The following FBRSL1 variants were observed in gnomAD, a reference collection of about 807,000 sequenced individuals.
FBRSL1 encodes the protein fibrosin like 1.
In FBRSL1, 51 loss-of-function variants were observed where a neutral mutation model predicts 89.6. That is an observed-to-expected ratio of 0.57 (90% confidence interval 0.45 to 0.72). The LOEUF is 0.72. Ranked by LOEUF, FBRSL1 falls within the 30% of genes least tolerant of loss-of-function variation. The pLI is 0.00. For missense variants in FBRSL1, 1,618 were observed against 1,451.8 expected (o/e 1.11, Z -1.86); for synonymous variants, 779 against 681.1 (o/e 1.14, Z -2.24).
chr12:132,509,390 C>T lies in FBRSL1; in HGVS notation c.489+1040C>T, dbSNP rs532702699. 56 of 1,242,144 alleles carry T rather than the reference C, an allele frequency of 4.5e-5. 1 individual carries two copies. The African/African-American group carries it at 8.2e-4, about 18-fold the overall frequency. 76.9% of individuals were successfully genotyped at this position (1,242,144 alleles called of 1,614,324 possible). On this transcript the variant is annotated intron_variant, in intron 2 of 18. Coordinates refer to ENST00000680143, the MANE Select transcript of FBRSL1 (RefSeq NM_001367871.1). ...GGTCACTTCTGGGCCTGAAACAGCC[C>T]TGCCAGCCCCGGCGGTCACTTCTGG...
chr12:132,513,576 CTTGTTG>C (rs967170910), intron 2 of FBRSL1, among the ~76,000 whole-genome samples: 8 of 152,296 alleles, frequency 5.3e-5, no homozygotes, highest in Admixed American at 3.9e-4. Flanking sequence ...CTCTGCCCAC[CTTGTTG>C]TTGTTGGCAC....
At chr12:132,493,768 C>T (rs1004775620) in intron 1 of FBRSL1, among the ~76,000 whole-genome samples, 1 of 152,338 alleles carries the variant, frequency 6.6e-6, no homozygotes, top group Non-Finnish European at 1.5e-5. Context: ...AGGCCCCCAG[C>T]ATCTGCACAT....
At chr12:132,524,420 C>T (rs114177179) in intron 2 of FBRSL1, among the ~76,000 whole-genome samples, 2,015 of 152,324 alleles carry the variant, frequency 0.013, 45 homozygotes, top group African/African-American at 0.045. Flanking sequence ...GCACTGGCAC[C>T]GTCTGCCTTG....
intron 14 of FBRSL1, among the ~76,000 whole-genome samples, chr12:132,575,206 G>A (rs2040303682): frequency 1.3e-5 from 2 of 152,194 alleles, no homozygotes; most frequent in South Asian, 2.1e-4. Context: ...CCTTTGGGAC[G>A]GGACTCAGAG....
intron 18 of FBRSL1, among the ~76,000 whole-genome samples, 176 bp downstream of exon 18, chr12:132,582,442 C>T (rs1443539155): frequency 6.6e-6 from 1 of 151,084 alleles, no homozygotes. Flanking sequence ...CCCTCTCACC[C>T]TCCTCGCCCC....
At chr12:132,549,377 C>T (rs551996674) in intron 5 of FBRSL1, among the ~76,000 whole-genome samples, 111 of 152,312 alleles carry the variant, frequency 7.3e-4, no homozygotes, top group Non-Finnish European at 9.9e-4. Context: ...CGCGTGGCTC[C>T]GCGTGGCCCT....
At chr12:132,523,217 G>A (rs955005131) in intron 2 of FBRSL1, among the ~76,000 whole-genome samples, 11 of 152,198 alleles carry the variant, frequency 7.2e-5, no homozygotes, top group African/African-American at 1.9e-4. Context: ...ACTGAGAAGC[G>A]GCTGGGCTGA....
At chr12:132,527,736 G>A (rs1481288437) in intron 3 of FBRSL1, among the ~76,000 whole-genome samples, 3 of 142,352 alleles carry the variant, frequency 2.1e-5, no homozygotes, top group Non-Finnish European at 4.8e-5. Flanking sequence ...GCGGGGCAGG[G>A]TTGAGGGCTG....
At chr12:132,552,746 C>T (rs1408904478) in intron 5 of FBRSL1, 4 of 158,772 alleles carry the variant, frequency 2.5e-5, no homozygotes, top group East Asian at 1.9e-4. Context: ...CGTGGACACT[C>T]ACCCCGCAGG....
intron 1 of FBRSL1, among the ~76,000 whole-genome samples, chr12:132,495,098 G>A (rs1456214490): frequency 6.6e-6 from 1 of 152,250 alleles, no homozygotes; most frequent in African/African-American, 2.4e-5. Context: ...GAGGGTACAG[G>A]TTTTGAGACA....
chr12:132,521,631 G>A (rs1201046032), intron 2 of FBRSL1, among the ~76,000 whole-genome samples: 1 of 152,222 alleles, frequency 6.6e-6, no homozygotes, highest in Non-Finnish European at 1.5e-5. Context: ...TTGTCTGAAT[G>A]TGATGCCATG....
chr12:132,572,513 T>C lies in FBRSL1; in HGVS notation c.1435-14T>C, dbSNP rs2040102946. ...ACTTGGGCCCCCCCTCCATCCGCTCTCCTTCTCTTACAGTTCTTCCCGTCC... is the reference window on the plus strand; with the variant it reads ...ACTTGGGCCCCCCCTCCATCCGCTCCCCTTCTCTTACAGTTCTTCCCGTCC... On this transcript the variant is annotated splice_polypyrimidine_tract_variant and intron_variant, in intron 10 of 18. Transcript: ENST00000680143. 1 of 1,545,986 alleles carries C rather than the reference T, an allele frequency of 6.5e-7. No individual in the cohort carries two copies. Among genetic ancestry groups the C allele is most frequent in the Non-Finnish European group, 8.8e-7 (1 of 1,141,984 alleles).
At chr12:132,523,042 G>C (rs1371387749) in intron 2 of FBRSL1, among the ~76,000 whole-genome samples, 6 of 152,178 alleles carry the variant, frequency 3.9e-5, no homozygotes, top group Non-Finnish European at 5.9e-5. Context: ...AGACCACAAG[G>C]CTGGGGTGGG....
chr12:132,581,969 C>T (rs1480623936), intron 17 of FBRSL1, 93 bp from the exon 18 acceptor site: 8 of 1,326,098 alleles, frequency 6.0e-6, no homozygotes, highest in Middle Eastern at 2.6e-4. Flanking sequence ...CAGTGTCAGC[C>T]TGGGACCCTT....
intron 5 of FBRSL1, among the ~76,000 whole-genome samples, chr12:132,550,499 G>GCTGCTCGGGC (rs1366653912): frequency 2.1e-3 from 312 of 152,140 alleles, no homozygotes; most frequent in Admixed American, 4.3e-3. Context: ...GCTGCTCGGG[G>GCTGCTCGGGC]AGAGCAGCAG....
intron 9 of FBRSL1, chr12:132,571,640 G>A (rs996829089): frequency 4.2e-5 from 30 of 719,972 alleles, no homozygotes; most frequent in East Asian, 1.7e-4. Context: ...GTGGGGGGCC[G>A]GCGGCACCTC....
At chr12:132,547,787 C>CG (rs920453356) in intron 4 of FBRSL1, among the ~76,000 whole-genome samples, 14 of 152,172 alleles carry the variant, frequency 9.2e-5, no homozygotes, top group Admixed American at 2.6e-4. Flanking sequence ...CCATCCCACC[C>CG]GGGGGGCTGT....
At chr12:132,510,687 T>C in intron 2 of FBRSL1, 5 of 1,224,740 alleles carry the variant, frequency 4.1e-6, no homozygotes, top group Non-Finnish European at 5.1e-6. Flanking sequence ...GGAAGAGAGA[T>C]GAACCCGCGT....
intron 5 of FBRSL1, among the ~76,000 whole-genome samples, chr12:132,558,203 A>G (rs970854638): frequency 6.6e-6 from 1 of 152,012 alleles, no homozygotes; most frequent in Non-Finnish European, 1.5e-5. Flanking sequence ...TGAGGGCTCC[A>G]CGCATTTCAA....
Sources: gnomAD v4.1 joint callset for allele counts (sites outside exome capture counted in the v4.1 genomes callset) on GRCh38, gnomAD v4.1.1 for gene constraint, MANE v1.5 for transcripts, NCBI Gene and HGNC (gene_info 2026-07-23, HGNC 2026-07-21) for gene names.